Variants in ANKHD1 observed in about 807,000 individuals in gnomAD.
The protein encoded by ANKHD1 is ankyrin repeat and KH domain-containing protein 1.
Under a neutral mutation model 230.5 loss-of-function variants are expected in ANKHD1, and 31 were observed. The observed-to-expected ratio is 0.13, with a 90% confidence interval of 0.10 to 0.18. The LOEUF (loss-of-function observed/expected upper bound fraction) is 0.18, where lower values mean the gene tolerates loss of function less well. Among genes scored for constraint, ANKHD1 ranks in the 10% least tolerant of loss-of-function variants. ANKHD1 has a pLI of 1.00. For missense variants in ANKHD1, 2,256 were observed against 3,071.3 expected (o/e 0.73, Z 6.27); for synonymous variants, 1,074 against 1,117.6 (o/e 0.96, Z 0.78).
intron 10 of ANKHD1, among the ~76,000 whole-genome samples, chr5:140,478,557 G>T (rs1751092813): frequency 6.6e-6 from 1 of 152,058 alleles, no homozygotes; most frequent in African/African-American, 2.4e-5. Flanking sequence ...ATTACAAATT[G>T]AATCAGTAGT....
At chr5:140,404,464 C>T (rs560269436) in intron 1 of ANKHD1, among the ~76,000 whole-genome samples, 1 of 150,988 alleles carries the variant, frequency 6.6e-6, no homozygotes, top group African/African-American at 2.4e-5. Context: ...CTGTGTCTTG[C>T]TCTTGTCACC....
At chr5:140,520,187 A>C (rs1188938190) in intron 24 of ANKHD1, among the ~76,000 whole-genome samples, 1 of 152,244 alleles carries the variant, frequency 6.6e-6, no homozygotes, top group Non-Finnish European at 1.5e-5. Context: ...AATGCTCCTC[A>C]TCACTGGCCA....
intron 2 of ANKHD1, among the ~76,000 whole-genome samples, chr5:140,438,037 A>G (rs1773581311): frequency 6.6e-6 from 1 of 152,220 alleles, no homozygotes; most frequent in African/African-American, 2.4e-5. Flanking sequence ...GACCAAAGGA[A>G]GAAACAATTG....
At chr5:140,513,169 C>T (rs1752839562) in intron 23 of ANKHD1, among the ~76,000 whole-genome samples, 194 bp from the exon 24 acceptor site, 1 of 152,154 alleles carries the variant, frequency 6.6e-6, no homozygotes. Flanking sequence ...AATGAGAAGG[C>T]TTCCTAAGGA....
At chr5:140,447,196 C>T (rs1320414914) in intron 6 of ANKHD1, among the ~76,000 whole-genome samples, 2 of 152,056 alleles carry the variant, frequency 1.3e-5, no homozygotes, top group South Asian at 2.1e-4. Context: ...AACCACCGTG[C>T]CTGGCCTATT....
chr5:140,503,553 C>CTTTTTTTTTTTTTTTTTTTTTT lies in ANKHD1; in HGVS notation c.3005-1257_3005-1236dup, dbSNP rs70988767. On this transcript the variant is annotated intron_variant, in intron 15 of 33. Transcript: ENST00000360839. Reference sequence around the variant, plus strand: ...AATTTCTTTTAACTCAGTTTTCTTTCTTTTTTTTTTTTTTTTTTTTTTTTT... The same window carrying CTTTTTTTTTTTTTTTTTTTTTT: ...AATTTCTTTTAACTCAGTTTTCTTTCTTTTTTTTTTTTTTTTTTTTTTTTTTTTTTTTTTTTTTTTTTTTTTT... Among the ~76,000 whole-genome samples, 4 of 51,418 alleles carry CTTTTTTTTTTTTTTTTTTTTTT rather than the reference C, an allele frequency of 7.8e-5. 1 individual carries two copies. The highest frequency in any genetic ancestry group is 9.8e-5 in the Non-Finnish European group (3 of 30,512). The allele number at this position is 51,418 out of a possible 152,430, so 33.7% of individuals were successfully genotyped here.
rs1157844982 is a variant in ANKHD1, at chr5:140,528,685, A to G, written c.5739A>G (p.Leu1913=). 6.2e-7 allele frequency: 1 copy of G among 1,614,180 alleles called. No individual in the cohort carries two copies. The highest frequency in any genetic ancestry group is 8.5e-7 in the Non-Finnish European group (1 of 1,180,044). ...CAAAGCATAATAACACAAGCCGTCT[A>G]CCTAACCAGAACGGGACTGTTTTAC... The part of the protein sequence containing the change: ...SSPKHNNTSR[L]PNQNGTVLPS... The change falls in exon 29 of 34, where the codon CTA becomes CTG. Residue 1913 remains leucine (L), a synonymous_variant. Transcript: ENST00000360839.
At chr5:140,518,048 G>A (rs1212254590) in intron 24 of ANKHD1, among the ~76,000 whole-genome samples, 2 of 152,012 alleles carry the variant, frequency 1.3e-5, no homozygotes, top group Non-Finnish European at 2.9e-5. Flanking sequence ...CCACTAGCAA[G>A]ACTAATAAAG....
At chr5:140,491,119 CAT>C (rs1240035842) in intron 14 of ANKHD1, among the ~76,000 whole-genome samples, 4,332 of 46,728 alleles carry the variant, frequency 0.093, 235 homozygotes, top group African/African-American at 0.16. Flanking sequence ...CACACACACA[CAT>C]ATATATATAT....
intron 10 of ANKHD1, among the ~76,000 whole-genome samples, chr5:140,472,829 A>G (rs2126999235): frequency 6.6e-6 from 1 of 152,282 alleles, no homozygotes; most frequent in South Asian, 2.1e-4. Flanking sequence ...TTGGTTTTTA[A>G]GAAGGTGAAT....
intron 7 of ANKHD1, among the ~76,000 whole-genome samples, chr5:140,456,568 C>T (rs2126959158): frequency 6.6e-6 from 1 of 152,278 alleles, no homozygotes; most frequent in East Asian, 1.9e-4. Context: ...GCATCTACAA[C>T]CATCTGATCT....
At position 140,527,462 on chromosome 5, in the gene ANKHD1, G is replaced by T; in HGVS notation, c.5087+388G>T. On this transcript the variant is annotated intron_variant, in intron 27 of 33. Transcript: ENST00000360839. The surrounding 1 kb of genome is among the most constrained non-coding windows in gnomAD (Gnocchi z 4.5). Reference sequence around the variant, plus strand: ...TATTTTTTATTGCTAAGTATGAGCTGTTGATACTGGTTTAAAATGAATATG... The same window carrying T: ...TATTTTTTATTGCTAAGTATGAGCTTTTGATACTGGTTTAAAATGAATATG... 4.7e-6 allele frequency: 1 copy of T among 214,574 alleles called. No homozygotes were observed. The highest frequency in any genetic ancestry group is 9.3e-6 in the Non-Finnish European group (1 of 107,700). The allele number at this position is 214,574 out of a possible 1,614,324, so 13.3% of individuals were successfully genotyped here.
chr5:140,534,346 C>A (rs1217477596), intron 29 of ANKHD1, among the ~76,000 whole-genome samples: 2 of 150,634 alleles, frequency 1.3e-5, no homozygotes, highest in East Asian at 2.0e-4. Flanking sequence ...GAGCTGAGAT[C>A]GTGCCACTGC....
chr5:140,511,338 T>C (rs1752759943), intron 22 of ANKHD1, among the ~76,000 whole-genome samples: 1 of 152,196 alleles, frequency 6.6e-6, no homozygotes, highest in Non-Finnish European at 1.5e-5. Flanking sequence ...TGGCCTAGAA[T>C]GCACTAAATT....
intron 14 of ANKHD1, 119 bp from the exon 15 acceptor site, chr5:140,496,401 T>G: frequency 9.1e-7 from 1 of 1,097,554 alleles, no homozygotes. Flanking sequence ...TATAAGGGTT[T>G]TGGGAGGGAG....
chr5:140,458,980 G>GTATATATATATA (rs1775464922), intron 8 of ANKHD1, 118 bp downstream of exon 8: 1 of 18,108 alleles, frequency 5.5e-5, no homozygotes. Flanking sequence ...ATATATATAT[G>GTATATATATATA]CATATATATA....
chr5:140,472,142 G>GCCCA, intron 10 of ANKHD1: 1 of 951,604 alleles, frequency 1.1e-6, no homozygotes, highest in South Asian at 1.4e-5. Flanking sequence ...AGTTAACAAA[G>GCCCA]CCCACCATCT....
chr5:140,415,776 T>TTTTA (rs886591658), intron 1 of ANKHD1, among the ~76,000 whole-genome samples: 78 of 151,916 alleles, frequency 5.1e-4, no homozygotes, highest in African/African-American at 1.6e-3. Context: ...TAAAATTTAT[T>TTTTA]TTTATTTATT....
At chr5:140,450,341 G>A (rs1774626268) in intron 7 of ANKHD1, among the ~76,000 whole-genome samples, 1 of 150,314 alleles carries the variant, frequency 6.7e-6, no homozygotes, top group Admixed American at 6.6e-5. Context: ...TGTTGCCCAG[G>A]CTGGAGTGCA....
Sources: gnomAD v4.1 joint callset for allele counts (sites outside exome capture counted in the v4.1 genomes callset) on GRCh38, gnomAD v4.1.1 for gene constraint, Gnocchi (gnomAD v3.1) non-coding constraint, MANE v1.5 for transcripts, NCBI Gene and HGNC (gene_info 2026-07-23, HGNC 2026-07-21) for gene names.